The following ABI3BP variants were observed in gnomAD, a reference collection of about 807,000 sequenced individuals.
The protein encoded by ABI3BP is target of Nesh-SH3.
Under a neutral mutation model 268.6 loss-of-function variants are expected in ABI3BP, and 216 were observed. The ratio of observed to expected loss-of-function variants is 0.80; its 90% confidence interval spans 0.72 to 0.90. The LOEUF is 0.90. Ranked by LOEUF, ABI3BP falls within the 40% of genes least tolerant of loss-of-function variation. The pLI is 0.00. For synonymous variants in ABI3BP, 730 were observed against 730.0 expected, an observed-to-expected ratio of 1.00 and a Z score of 0.00; for missense variants, 2,090 against 2,182.4, an observed-to-expected ratio of 0.96 and a Z score of 0.84.
At chr3:100,946,746 C>T (rs1436197960) in intron 1 of ABI3BP, among the ~76,000 whole-genome samples, 1 of 151,360 alleles carries the variant, frequency 6.6e-6, no homozygotes, top group African/African-American at 2.4e-5. Flanking sequence ...CCAGATCGTG[C>T]CATTGCACTC....
At chr3:100,872,583 G>C (rs1178259554) in intron 9 of ABI3BP, among the ~76,000 whole-genome samples, 2 of 152,182 alleles carry the variant, frequency 1.3e-5, no homozygotes, top group African/African-American at 2.4e-5. Context: ...AAATCAATGA[G>C]ATTGGCCAGC....
chr3:100,848,802 AGG>A lies in ABI3BP; in HGVS notation c.1573_1574del (p.Pro525Ter), dbSNP rs758948403. The A allele has an allele frequency of 3.4e-5, 55 of 1,610,684 alleles. 1 individual carries two copies. In the South Asian group the frequency reaches 5.9e-4, roughly 17 times the overall value. On this transcript the variant is annotated frameshift_variant and splice_region_variant, in exon 18 of 68. Transcript: ENST00000471714. LOFTEE classifies it high-confidence loss of function. ...ATGTAAATATAAAGAGACATTTACC[AGG>A]TTTGGTTCTTGGCGGTTTGGGCCGG... ...RPRPKPPRTK[P>X]ERTTSAGTIT...
At chr3:100,851,089 A>G (rs2098832600) in intron 15 of ABI3BP, among the ~76,000 whole-genome samples, 1 of 152,064 alleles carries the variant, frequency 6.6e-6, no homozygotes, top group African/African-American at 2.4e-5. Context: ...ATTCATCTTT[A>G]TTTACCATGA....
At chr3:100,840,207 TTACAAACTGATGA>T (rs1351534746) in intron 22 of ABI3BP, 43 bp from the exon 23 acceptor site, 3 of 1,383,138 alleles carry the variant, frequency 2.2e-6, no homozygotes, top group African/African-American at 2.9e-5. Context: ...AAGGGTGGAT[TTACAAACTGATGA>T]TAAATATTAC....
chr3:100,968,519 T>C (rs1316306041), intron 1 of ABI3BP, among the ~76,000 whole-genome samples: 1 of 152,196 alleles, frequency 6.6e-6, no homozygotes. Context: ...CTCACAAAAT[T>C]AAAGGTAATC....
chr3:100,835,486 C>T, intron 28 of ABI3BP, 115 bp downstream of exon 28: 1 of 767,730 alleles, frequency 1.3e-6, no homozygotes, highest in South Asian at 1.9e-5. Context: ...AGTTCAATGA[C>T]AAGAGGATGA....
At chr3:100,809,591 TA>T (rs1419245402) in intron 49 of ABI3BP, among the ~76,000 whole-genome samples, 1 of 152,014 alleles carries the variant, frequency 6.6e-6, no homozygotes, top group African/African-American at 2.4e-5. Context: ...TTCTTTTAGT[TA>T]AAAAACTGTA....
chr3:100,873,377 G>A (rs1468710839), intron 9 of ABI3BP, among the ~76,000 whole-genome samples: 2 of 152,078 alleles, frequency 1.3e-5, no homozygotes, highest in Non-Finnish European at 2.9e-5. Flanking sequence ...ATCAACATTT[G>A]GTACCTCATT....
intron 1 of ABI3BP, among the ~76,000 whole-genome samples, chr3:100,984,049 A>G (rs1259061840): frequency 1.3e-5 from 2 of 152,158 alleles, no homozygotes; most frequent in Admixed American, 6.5e-5. Flanking sequence ...ACTCATCAAG[A>G]AAGATTTATT....
intron 63 of ABI3BP, among the ~76,000 whole-genome samples, chr3:100,757,024 T>A (rs926452754): frequency 3.9e-5 from 6 of 151,992 alleles, no homozygotes; most frequent in African/African-American, 1.2e-4. Flanking sequence ...AAAATAAAAT[T>A]TAAAGTTTCA....
Position 100,822,622 on chromosome 3 carries a change from TG to T in ABI3BP, c.2853del (p.Thr952HisfsTer28). On this transcript the variant is annotated frameshift_variant, in exon 38 of 68. Transcript: ENST00000471714. LOFTEE classifies it high-confidence loss of function. Reference sequence around the variant, plus strand: ...GATTCAGGTGCTTCAGGACGTGGTGTGGTTTTTGTTCTGAGACGTGGACGAC... The same window carrying T: ...GATTCAGGTGCTTCAGGACGTGGTGTGTTTTTGTTCTGAGACGTGGACGAC... ...RTRRPRLRTK[T>X]TPRPEAPESK... 6.5e-7 allele frequency: 1 copy of T among 1,536,646 alleles called. No homozygotes were observed. Among genetic ancestry groups the T allele is most frequent in the Non-Finnish European group, 8.7e-7 (1 of 1,146,966 alleles).
intron 31 of ABI3BP, among the ~76,000 whole-genome samples, chr3:100,831,776 T>A (rs888850426): frequency 2.6e-5 from 4 of 152,178 alleles, no homozygotes; most frequent in Non-Finnish European, 5.9e-5. Context: ...CCTCTAAATA[T>A]TTGCCATGCT....
chr3:100,944,216 T>C (rs1469084057), intron 1 of ABI3BP, among the ~76,000 whole-genome samples: 2 of 152,202 alleles, frequency 1.3e-5, no homozygotes, highest in Non-Finnish European at 2.9e-5. Flanking sequence ...TAAGTTTAAC[T>C]GTTTTTAATT....
intron 59 of ABI3BP, among the ~76,000 whole-genome samples, chr3:100,777,591 A>G (rs2096742280): frequency 6.6e-6 from 1 of 152,222 alleles, no homozygotes; most frequent in Non-Finnish European, 1.5e-5. Flanking sequence ...ACAGAGGGGT[A>G]TGTCAAGGAC....
Position 100,830,629 on chromosome 3 carries a change from C to T in ABI3BP, c.2407G>A (p.Ala803Thr). The T allele has an allele frequency of 6.5e-7, 1 of 1,529,376 alleles. No individual in the cohort carries two copies. Among genetic ancestry groups the T allele is most frequent in the Non-Finnish European group, 8.8e-7 (1 of 1,142,622 alleles). 94.7% of individuals were successfully genotyped at this position (1,529,376 alleles called of 1,614,324 possible). A position where few individuals can be genotyped will look rare whatever the true frequency, so the allele number is the denominator to read the frequency against. Residue 803 changes from alanine to threonine, a missense_variant, in exon 32 of 68, where the codon GCC becomes ACC. By Grantham distance (58) the Ala-to-Thr change is moderately conservative (BLOSUM62 0). Coordinates refer to ENST00000471714, the MANE Select transcript of ABI3BP (RefSeq NM_001375547.2). ...CTAAGAACTGGTTCGAGGATTGTGG[C>T]AGGAACTGATCAAAAGTAATAAAAG... Reference protein sequence around the residue: ...PEVPQTKLVPATILEPVLRTE... With the variant: ...PEVPQTKLVPTTILEPVLRTE...
rs1346351350 is a variant in ABI3BP, at chr3:100,875,596, A to G, written c.746-17T>C. ...TCTGAATCACTGTTGAAATACAAAA[A>G]GACAGTGTGAGGGGGTGGGAAATAG... On this transcript the variant is annotated splice_polypyrimidine_tract_variant and intron_variant, in intron 7 of 67. Transcript: ENST00000471714. The G allele has an allele frequency of 1.9e-6, 3 of 1,585,848 alleles. No individual in the cohort carries two copies. Among genetic ancestry groups the G allele is most frequent in the African/African-American group, 1.3e-5 (1 of 74,302 alleles).
At chr3:100,753,672 A>G (rs1424417334) in intron 65 of ABI3BP, 147 bp downstream of exon 65, 11 of 877,014 alleles carry the variant, frequency 1.3e-5, no homozygotes, top group Non-Finnish European at 2.0e-5. Context: ...GTGTTGTACA[A>G]TGTGTAGGTA....
chr3:100,916,068 GAGA>G (rs1478084270), intron 2 of ABI3BP, among the ~76,000 whole-genome samples: 1 of 152,196 alleles, frequency 6.6e-6, no homozygotes, highest in Non-Finnish European at 1.5e-5. Flanking sequence ...GCACCCCACA[GAGA>G]AGTTCAGAGT....
At chr3:100,753,691 C>T (rs539262542) in intron 65 of ABI3BP, 128 bp downstream of exon 65, 4 of 987,766 alleles carry the variant, frequency 4.0e-6, no homozygotes, top group East Asian at 2.6e-5. Context: ...TAAACATTCA[C>T]AACTGTTTGG....
Sources: allele counts gnomAD v4.1 joint callset (sites outside exome capture counted in the v4.1 genomes callset), GRCh38; gene constraint gnomAD v4.1.1; transcripts MANE v1.5; gene names NCBI Gene and HGNC (gene_info 2026-07-23, HGNC 2026-07-21).